Variants in GIGYF2 observed in about 807,000 individuals in gnomAD.
GIGYF2 encodes the protein GRB10 interacting GYF protein 2.
In GIGYF2, 25 loss-of-function variants were observed where a neutral mutation model predicts 208.1. The observed-to-expected ratio is 0.12, with a 90% confidence interval of 0.09 to 0.17. GIGYF2 has a LOEUF of 0.17. GIGYF2 is among the 10% of genes least tolerant of loss of function. The pLI is 1.00. For synonymous variants in GIGYF2, 534 were observed against 543.8 expected (o/e 0.98, Z 0.25); for missense variants, 1,302 against 1,579.4 (o/e 0.82, Z 2.98).
intron 3 of GIGYF2, among the ~76,000 whole-genome samples, chr2:232,745,840 A>G (rs1238643019): frequency 1.3e-5 from 2 of 152,184 alleles, no homozygotes; most frequent in Admixed American, 6.6e-5. Flanking sequence ...GTATTGCCAA[A>G]AAAGAACCCA....
chr2:232,779,540 C>T (rs1236432801), intron 8 of GIGYF2, among the ~76,000 whole-genome samples: 1 of 152,172 alleles, frequency 6.6e-6, no homozygotes, highest in Non-Finnish European at 1.5e-5. Flanking sequence ...GTGTACTTGG[C>T]TTTCTTTTGA....
intron 26 of GIGYF2, among the ~76,000 whole-genome samples, chr2:232,846,216 C>A (rs1158611344): frequency 6.6e-6 from 1 of 152,186 alleles, no homozygotes; most frequent in Non-Finnish European, 1.5e-5. Flanking sequence ...AAGTAACTCT[C>A]ATGCTGGGGA....
intron 3 of GIGYF2, chr2:232,735,817 T>G: frequency 2.0e-6 from 2 of 985,548 alleles, no homozygotes; most frequent in Non-Finnish European, 2.4e-6. Flanking sequence ...TCCATCACAT[T>G]GTAGTGTGGC....
At chr2:232,804,434 G>A (rs973794272) in intron 14 of GIGYF2, among the ~76,000 whole-genome samples, 5 of 150,580 alleles carry the variant, frequency 3.3e-5, no homozygotes, top group Non-Finnish European at 7.4e-5. Flanking sequence ...TTAGCTCAAG[G>A]AGTTCTTTTT....
At position 232,806,888 on chromosome 2, in the gene GIGYF2, G is replaced by A. The variant is rs780676280; in HGVS notation, c.1806+231G>A. ...TCACACCCCAGCTCCTCCCCAACAG[G>A]GAAACGGAATCCTTCAGTAGCATTC... On this transcript the variant is annotated intron_variant, in intron 15 of 28. Transcript: ENST00000373563. The surrounding 1 kb of genome is among the most constrained non-coding windows in gnomAD (Gnocchi z 4.0). Among the ~76,000 whole-genome samples the A allele has an allele frequency of 6.6e-6, 1 of 152,132 alleles. No individual in the cohort carries two copies.
intron 8 of GIGYF2, among the ~76,000 whole-genome samples, chr2:232,783,351 G>A (rs1360387844): frequency 2.0e-5 from 3 of 151,956 alleles, no homozygotes; most frequent in African/African-American, 7.3e-5. Flanking sequence ...ATTATTTTTT[G>A]TTTTGTTTAT....
chr2:232,858,798 C>T lies in GIGYF2; in HGVS notation c.*1938C>T, dbSNP rs1690669357. 3.2e-6 allele frequency: 1 copy of T among 311,910 alleles called. No homozygotes were observed. Among genetic ancestry groups the T allele is most frequent in the African/African-American group, 2.2e-5 (1 of 45,882 alleles). The allele number at this position is 311,910 out of a possible 1,614,324, so 19.3% of individuals were successfully genotyped here. A position where few individuals can be genotyped will look rare whatever the true frequency, so the allele number is the denominator to read the frequency against. The stretch of plus-strand genomic sequence containing the variant: ...GTTCTGTATTTGAGAATGTAGAGGT[C>T]AAGGCAGATGTCGGTAAGTTTGACC... On this transcript the variant is annotated 3_prime_UTR_variant, in exon 29 of 29. Coordinates refer to ENST00000373563, the MANE Select transcript of GIGYF2 (RefSeq NM_001103146.3).
At chr2:232,750,340 C>G (rs1373343160) in intron 5 of GIGYF2, among the ~76,000 whole-genome samples, 1 of 152,104 alleles carries the variant, frequency 6.6e-6, no homozygotes, top group Non-Finnish European at 1.5e-5. Flanking sequence ...AAACTGAGCC[C>G]TAGGAATTAG....
chr2:232,835,939 C>T (rs1346027442), intron 22 of GIGYF2, among the ~76,000 whole-genome samples: 2 of 152,044 alleles, frequency 1.3e-5, no homozygotes, highest in Non-Finnish European at 2.9e-5. Flanking sequence ...TCTCGGATTA[C>T]AGTCCTAACC....
intron 1 of GIGYF2, among the ~76,000 whole-genome samples, chr2:232,701,879 C>T (rs940667382): frequency 1.3e-5 from 2 of 152,114 alleles, no homozygotes; most frequent in Non-Finnish European, 2.9e-5. Context: ...ATAATAAACT[C>T]TTCTTTGGCT....
chr2:232,837,395 G>A (rs1701672567), intron 22 of GIGYF2, among the ~76,000 whole-genome samples: 1 of 152,186 alleles, frequency 6.6e-6, no homozygotes, highest in South Asian at 2.1e-4. Flanking sequence ...CTGAGTTTTA[G>A]CAAATATTCT....
intron 8 of GIGYF2, among the ~76,000 whole-genome samples, chr2:232,783,988 T>C (rs1189028957): frequency 6.6e-6 from 1 of 152,060 alleles, no homozygotes; most frequent in Non-Finnish European, 1.5e-5. Flanking sequence ...ACGCCCAGCC[T>C]CAGATCTAGT....
At chr2:232,702,319 A>G (rs1195524277) in intron 1 of GIGYF2, among the ~76,000 whole-genome samples, 2 of 151,890 alleles carry the variant, frequency 1.3e-5, no homozygotes, top group East Asian at 3.9e-4. Context: ...CACACTTGTA[A>G]TCCTAGCTTC....
At chr2:232,715,889 A>T (rs1166717375) in intron 2 of GIGYF2, among the ~76,000 whole-genome samples, 1 of 148,868 alleles carries the variant, frequency 6.7e-6, no homozygotes, top group East Asian at 2.0e-4. Flanking sequence ...GATAACTTTT[A>T]TGACATTTAT....
intron 20 of GIGYF2, 61 bp downstream of exon 20, chr2:232,817,093 T>G (rs1574918203): frequency 2.4e-6 from 3 of 1,233,824 alleles, no homozygotes; most frequent in East Asian, 2.3e-5. Context: ...CAGGCTGCTT[T>G]CTTTCATCAT....
intron 21 of GIGYF2, among the ~76,000 whole-genome samples, chr2:232,827,162 A>G (rs934728444): frequency 6.9e-6 from 1 of 143,976 alleles, no homozygotes; most frequent in African/African-American, 2.5e-5. Context: ...CTCATTTACC[A>G]TTCTGAAAAT....
At chr2:232,808,358 G>A (rs1700623317) in intron 15 of GIGYF2, among the ~76,000 whole-genome samples, 1 of 152,188 alleles carries the variant, frequency 6.6e-6, no homozygotes, top group Non-Finnish European at 1.5e-5. Flanking sequence ...ACTTGGAGTA[G>A]TCCACTTCCC....
intron 2 of GIGYF2, chr2:232,722,547 T>G (rs1487070584): frequency 6.6e-6 from 1 of 152,206 alleles, no homozygotes; most frequent in Non-Finnish European, 1.5e-5. Context: ...TCTTTATTGG[T>G]CTTTAGAGAT....
chr2:232,854,378 A>G (rs1228571155), intron 28 of GIGYF2, among the ~76,000 whole-genome samples: 1 of 152,184 alleles, frequency 6.6e-6, no homozygotes, highest in African/African-American at 2.4e-5. Context: ...TTATAGTCCC[A>G]GCTACTGGGG....
Sources: allele counts gnomAD v4.1 joint callset (sites outside exome capture counted in the v4.1 genomes callset), GRCh38; gene constraint gnomAD v4.1.1; non-coding constraint Gnocchi (gnomAD v3.1); transcripts MANE v1.5; gene names NCBI Gene and HGNC (gene_info 2026-07-23, HGNC 2026-07-21).